The following TNNT2 variants were observed in gnomAD, a reference collection of about 807,000 sequenced individuals.
The protein encoded by TNNT2 is troponin T2, cardiac type, also known as troponin T, cardiac muscle.
A neutral mutation model predicts 62.4 loss-of-function variants in TNNT2; 34 were observed. That is an observed-to-expected ratio of 0.54 (90% CI 0.41 to 0.72). The LOEUF (loss-of-function observed/expected upper bound fraction) is 0.72, where lower values mean the gene tolerates loss of function less well. Among genes scored for constraint, TNNT2 ranks in the 30% least tolerant of loss-of-function variants. The pLI, the probability that TNNT2 is intolerant of heterozygous loss-of-function variation, is 0.00. For synonymous variants in TNNT2, 123 were observed against 127.2 expected, an observed-to-expected ratio of 0.97 and a Z score of 0.22; for missense variants, 275 against 381.9, an observed-to-expected ratio of 0.72 and a Z score of 2.33.
chr1:201,370,489 G>A (rs182809409), intron 4 of TNNT2, among the ~76,000 whole-genome samples: 2 of 152,274 alleles, frequency 1.3e-5, no homozygotes, highest in Admixed American at 1.3e-4. Context: ...GTTGTTCTAC[G>A]TACAAATATC....
intron 6 of TNNT2, 55 bp downstream of exon 6, chr1:201,368,107 C>T (rs1660004884): frequency 1.9e-6 from 3 of 1,572,022 alleles, no homozygotes; most frequent in African/African-American, 2.7e-5. Flanking sequence ...TCAGGAATGG[C>T]TCCAGGGGCT....
intron 7 of TNNT2, chr1:201,367,560 G>A (rs1465716512): frequency 3.1e-6 from 2 of 653,700 alleles, no homozygotes; most frequent in African/African-American, 3.6e-5. Context: ...CTCCCACTGG[G>A]TGCCACCAAT....
At chr1:201,367,912 A>G in intron 6 of TNNT2, 106 bp from the exon 7 acceptor site, 2 of 1,389,246 alleles carry the variant, frequency 1.4e-6, no homozygotes, top group Non-Finnish European at 1.0e-6. Context: ...GCCAAGATGC[A>G]CTCTGTTGGT....
At chr1:201,360,982 C>T (rs1186876572) in intron 15 of TNNT2, 2 of 454,392 alleles carry the variant, frequency 4.4e-6, no homozygotes, top group South Asian at 2.0e-5. Context: ...GTCCTTGTAA[C>T]CAGCTCAGAT....
At chr1:201,366,933 C>A in intron 7 of TNNT2, 62 bp from the exon 8 acceptor site, 1 of 1,613,732 alleles carries the variant, frequency 6.2e-7, no homozygotes, top group Non-Finnish European at 8.5e-7. Flanking sequence ...CCCAACTCCG[C>A]CCTCGATGAG....
chr1:201,369,196 G>C (rs1571655535), intron 5 of TNNT2: 5 of 440,970 alleles, frequency 1.1e-5, no homozygotes, highest in South Asian at 8.5e-5. Flanking sequence ...GGAGCTTACT[G>C]CCTCCCCAAC....
intron 4 of TNNT2, among the ~76,000 whole-genome samples, chr1:201,371,685 G>A (rs6427901): frequency 0.15 from 23,062 of 152,058 alleles, 2,240 homozygotes; most frequent in African/African-American, 0.28. Context: ...AGCTGGTAAT[G>A]GGTACCTTGG....
In TNNT2 at chr1:201,364,300, C is replaced by A. The variant is rs727505030; in HGVS notation, c.487G>T (p.Ala163Ser). ...EREKERQNRL[A>S]EERARREEEE... The stretch of plus-strand genomic sequence containing the variant: ...GGCCTGGGCTAGGGGTCACTCACAG[C>A]CAGGCGGTTCTGCCGCTCCTTCTCC... Residue 163 changes from alanine (A) to serine (S), a missense_variant and splice_region_variant, in exon 11 of 17, where the codon GCT becomes TCT. By Grantham distance (99) the Ala-to-Ser change is moderately conservative (BLOSUM62 1). Transcript: ENST00000656932. 6 of 1,612,158 alleles carry A rather than the reference C, an allele frequency of 3.7e-6. No individual in the cohort carries two copies. In the Admixed American group the frequency reaches 1.0e-4, roughly 27 times the overall value.
chr1:201,366,094 TC>T, intron 8 of TNNT2: 1 of 1,129,618 alleles, frequency 8.9e-7, no homozygotes, highest in Non-Finnish European at 1.1e-6. Context: ...TTGGTCCTGG[TC>T]CCAACACATA....
At chr1:201,365,437 G>A (rs1659485192) in intron 9 of TNNT2, 130 bp from the exon 10 acceptor site, 2 of 1,190,762 alleles carry the variant, frequency 1.7e-6, no homozygotes, top group Non-Finnish European at 1.3e-6. Flanking sequence ...CAGGGAAGGG[G>A]TAACTGTGGC....
chr1:201,376,043 G>A (rs1411120478), intron 1 of TNNT2, among the ~76,000 whole-genome samples: 1 of 152,192 alleles, frequency 6.6e-6, no homozygotes, highest in Non-Finnish European at 1.5e-5. Flanking sequence ...GAGACTGGGG[G>A]CTGCAGAATG....
intron 8 of TNNT2, chr1:201,366,412 C>T (rs1233774294): frequency 5.0e-5 from 54 of 1,083,478 alleles, no homozygotes; most frequent in Non-Finnish European, 6.0e-5. Flanking sequence ...TGTGTGGCAC[C>T]AAGCCGTCCT....
chr1:201,368,893 GAAGACA>G (rs1660148824), intron 5 of TNNT2, among the ~76,000 whole-genome samples: 3 of 152,214 alleles, frequency 2.0e-5, no homozygotes, highest in Non-Finnish European at 4.4e-5. Context: ...CAGACAGGAG[GAAGACA>G]CCATCGTGGG....
intron 8 of TNNT2, 76 bp from the exon 9 acceptor site, chr1:201,365,746 C>G (rs1015077312): frequency 4.4e-6 from 7 of 1,579,440 alleles, no homozygotes; most frequent in Admixed American, 3.6e-5. Context: ...CAGGCAGGGC[C>G]CTGATCCTTC....
At chr1:201,359,317 G>T (rs1658154345) in intron 16 of TNNT2, 62 bp from the exon 17 acceptor site, 1 of 1,575,938 alleles carries the variant, frequency 6.3e-7, no homozygotes, top group Non-Finnish European at 8.6e-7. Flanking sequence ...TCACCATGCG[G>T]CTGGGGTAGG....
chr1:201,368,176 TC>T lies in TNNT2; in HGVS notation c.148del (p.Glu50ArgfsTer60). On this transcript the variant is annotated frameshift_variant, in exon 6 of 17. Transcript: ENST00000656932. LOFTEE classifies it high-confidence loss of function. ...EDAEAEAETEETRAEEDEEEE... is the reference protein window; with the variant it reads ...EDAEAEAETEXTRAEEDEEEE... ...CAGAGACTTACCTTCTGCCCTGGTCTCCTCGGTCTCAGCCTCTGCTTCAGCA... is the reference window on the plus strand; with the variant it reads ...CAGAGACTTACCTTCTGCCCTGGTCTCTCGGTCTCAGCCTCTGCTTCAGCA... 6.2e-7 allele frequency: 1 copy of T among 1,614,104 alleles called. No individual in the cohort carries two copies. Among genetic ancestry groups the T allele is most frequent in the Non-Finnish European group, 8.5e-7 (1 of 1,180,002 alleles).
intron 1 of TNNT2, among the ~76,000 whole-genome samples, chr1:201,377,382 G>A (rs1661549323): frequency 6.6e-6 from 1 of 152,082 alleles, no homozygotes; most frequent in African/African-American, 2.4e-5. Flanking sequence ...GGCAGGTCCA[G>A]GACTCCAACC....
intron 9 of TNNT2, 86 bp downstream of exon 9, chr1:201,365,524 C>T (rs1659500349): frequency 2.7e-6 from 4 of 1,484,212 alleles, no homozygotes; most frequent in Non-Finnish European, 1.9e-6. Flanking sequence ...TGCTCTACCC[C>T]AGCCCAAGGT....
chr1:201,359,136 C>A lies in TNNT2; in HGVS notation c.*74G>T. 1 of 1,563,328 alleles carries A rather than the reference C, an allele frequency of 6.4e-7. No individual in the cohort carries two copies. Among genetic ancestry groups the A allele is most frequent in the African/African-American group, 1.3e-5 (1 of 74,486 alleles). On this transcript the variant is annotated 3_prime_UTR_variant, in exon 17 of 17. Coordinates refer to ENST00000656932, the MANE Select transcript of TNNT2 (RefSeq NM_001276345.2). The stretch of plus-strand genomic sequence containing the variant: ...GAGCTGCCTGGGGTGCCCAGGAGGG[C>A]CCGGGAACTGGGGGAGTGCAGGCCG...
Sources: gnomAD v4.1 joint callset for allele counts (sites outside exome capture counted in the v4.1 genomes callset) on GRCh38, gnomAD v4.1.1 for gene constraint, MANE v1.5 for transcripts, NCBI Gene and HGNC (gene_info 2026-07-23, HGNC 2026-07-21) for gene names.